PDIA6: variants seen among roughly 807,000 people sequenced by gnomAD.
The protein encoded by PDIA6 is protein disulfide isomerase family A member 6.
In PDIA6, 29 loss-of-function variants were observed where a neutral mutation model predicts 58.4. The ratio of observed to expected loss-of-function variants is 0.50; its 90% CI spans 0.37 to 0.68. PDIA6 has a LOEUF of 0.68. PDIA6 is among the 30% of genes least tolerant of loss of function. The pLI, the probability that PDIA6 is intolerant of heterozygous loss-of-function variation, is 0.00. For synonymous variants in PDIA6, 192 were observed against 202.6 expected (o/e 0.95, Z 0.44); for missense variants, 480 against 551.0 (o/e 0.87, Z 1.29).
chr2:10,823,631 A>G (rs1667465957), intron 1 of PDIA6, among the ~76,000 whole-genome samples: 1 of 152,206 alleles, frequency 6.6e-6, no homozygotes, highest in Non-Finnish European at 1.5e-5. Context: ...CCACTTTCTC[A>G]CAATTGCCAC....
intron 1 of PDIA6, among the ~76,000 whole-genome samples, chr2:10,826,525 A>G (rs1229865741): frequency 6.6e-6 from 1 of 151,912 alleles, no homozygotes; most frequent in African/African-American, 2.4e-5. Flanking sequence ...ACACCCGGCT[A>G]ATTTTTGTAT....
chr2:10,822,780 A>G lies in PDIA6; in HGVS notation c.-47-3426T>C, dbSNP rs189355957. ...CAATTTGCAAGGCAAAGCTAAAACC[A>G]AAACATATGGTGGCCACTCCAAAAG... is the stretch of plus-strand genomic sequence containing the variant. On this transcript the variant is annotated intron_variant, in intron 1 of 13. Coordinates refer to the PDIA6 transcript ENST00000381611. Among the ~76,000 whole-genome samples, 1,164 of 152,372 alleles carry G rather than the reference A, an allele frequency of 7.6e-3. 5 individuals carry two copies. Among genetic ancestry groups the G allele is most frequent in the Non-Finnish European group, 9.6e-3 (652 of 68,036 alleles).
intron 1 of PDIA6, among the ~76,000 whole-genome samples, chr2:10,827,453 C>A (rs770103263): frequency 6.6e-6 from 1 of 152,168 alleles, no homozygotes; most frequent in Non-Finnish European, 1.5e-5. Context: ...GTGCTGGCAA[C>A]ATCTGTCTAC....
intron 1 of PDIA6, among the ~76,000 whole-genome samples, chr2:10,827,100 A>G (rs539674412): frequency 1.8e-4 from 28 of 152,034 alleles, no homozygotes; most frequent in African/African-American, 6.5e-4. Flanking sequence ...GTCTTGGTCT[A>G]CTGCCCAGGC....
upstream of PDIA6, among the ~76,000 whole-genome samples, chr2:10,833,804 C>T (rs1667763201): frequency 6.6e-6 from 1 of 152,194 alleles, no homozygotes; most frequent in African/African-American, 2.4e-5. Flanking sequence ...TAAATGACAT[C>T]CCCAGGGCTG....
At chr2:10,814,434 G>C (rs528554761), upstream of PDIA6, among the ~76,000 whole-genome samples, 1 of 152,198 alleles carries the variant, frequency 6.6e-6, no homozygotes, top group Non-Finnish European at 1.5e-5. Flanking sequence ...ACCGGTGATC[G>C]CAGGGCTGTT....
At position 10,790,704 on chromosome 2, in the gene PDIA6, T is replaced by C. The variant is rs1480574629; in HGVS notation, c.699+15A>G. On this transcript the variant is annotated intron_variant, in intron 7 of 12. Transcript: ENST00000272227. ...ATGTATTTCACAATGAAATGAGCCT[T>C]ATAAGTATACTCACCCCGTATCGGG... 6.4e-7 allele frequency: 1 copy of C among 1,558,514 alleles called. No individual in the cohort carries two copies. Among genetic ancestry groups the C allele is most frequent in the African/African-American group, 1.4e-5 (1 of 73,850 alleles).
intron 6 of PDIA6, 26 bp from the exon 7 acceptor site, chr2:10,790,859 T>G: frequency 6.4e-7 from 1 of 1,566,836 alleles, no homozygotes; most frequent in Non-Finnish European, 8.8e-7. Flanking sequence ...CGTTTTGTTT[T>G]GTTTCTTTGA....
At chr2:10,809,668 A>AAAAAAAAAAAC (rs1558454605) in intron 1 of PDIA6, among the ~76,000 whole-genome samples, 1 of 130,210 alleles carries the variant, frequency 7.7e-6, no homozygotes, top group Non-Finnish European at 1.7e-5. Context: ...AAAAAAAAAA[A>AAAAAAAAAAAC]AAAACCCAAA....
chr2:10,806,359 C>A (rs1666742474), intron 1 of PDIA6, among the ~76,000 whole-genome samples: 1 of 133,818 alleles, frequency 7.5e-6, no homozygotes, highest in South Asian at 2.5e-4. Flanking sequence ...TAGGGCAAGA[C>A]CTTGTCTCAA....
At chr2:10,820,031 G>A (rs1054720171) in intron 1 of PDIA6, among the ~76,000 whole-genome samples, 6 of 152,184 alleles carry the variant, frequency 3.9e-5, no homozygotes, top group Admixed American at 2.0e-4. Context: ...TCACTTTACC[G>A]AGGGAGACAC....
chr2:10,806,452 A>AAAAGTT lies in PDIA6; in HGVS notation c.20-3818_20-3813dup, dbSNP rs553169774. 3.0e-3 allele frequency among the ~76,000 whole-genome samples: 361 copies of AAAAGTT among 119,684 alleles called. 3 individuals are homozygous for AAAAGTT. The highest frequency in any genetic ancestry group is 9.0e-3 in the African/African-American group (325 of 35,984). 78.5% of individuals were successfully genotyped at this position (119,684 alleles called of 152,430 possible). A position where few individuals can be genotyped will look rare whatever the true frequency, so the allele number is the denominator to read the frequency against. On this transcript the variant is annotated intron_variant, in intron 1 of 12. Transcript: ENST00000272227. ...AAGGTAAGTGTTTTTACAAGAGCCA[A>AAAAGTT]AAAGTTAAAAAAAAAAAATTAAGTT... is the stretch of plus-strand genomic sequence containing the variant.
intron 7 of PDIA6, 70 bp downstream of exon 7, chr2:10,790,649 C>T: frequency 9.1e-7 from 1 of 1,100,810 alleles, no homozygotes; most frequent in South Asian, 1.3e-5. Context: ...ATAGGGAGGC[C>T]TGGAGTATTG....
upstream of PDIA6, chr2:10,837,479 A>C: frequency 1.4e-6 from 1 of 693,198 alleles, no homozygotes; most frequent in East Asian, 2.7e-5. Context: ...GTTGGTATGG[A>C]AACTCCAGAT....
At chr2:10,794,951 A>G (rs558498705) in intron 4 of PDIA6, among the ~76,000 whole-genome samples, 5 of 152,220 alleles carry the variant, frequency 3.3e-5, no homozygotes, top group African/African-American at 1.2e-4. Context: ...AAAAATACCC[A>G]CAAAATATAT....
At chr2:10,830,963 G>A (rs1177537360) in intron 1 of PDIA6, among the ~76,000 whole-genome samples, 1 of 152,174 alleles carries the variant, frequency 6.6e-6, no homozygotes, top group Non-Finnish European at 1.5e-5. Flanking sequence ...TCCCTCCTAG[G>A]GAGAAATGAG....
chr2:10,791,771 GACT>G (rs1666043888), intron 6 of PDIA6, 21 bp downstream of exon 6: 2 of 1,606,572 alleles, frequency 1.2e-6, no homozygotes. Context: ...TGAATGAACA[GACT>G]ACTTAGTAGA....
intron 2 of PDIA6, among the ~76,000 whole-genome samples, chr2:10,798,492 C>T (rs947570465): frequency 2.0e-5 from 3 of 149,642 alleles, no homozygotes; most frequent in South Asian, 2.2e-4. Context: ...CGCTTGAACT[C>T]GGGAAACGGA....
chr2:10,786,823 T>C (rs1665784584), intron 11 of PDIA6, among the ~76,000 whole-genome samples: 1 of 152,222 alleles, frequency 6.6e-6, no homozygotes, highest in Admixed American at 6.5e-5. Context: ...ACCTATCATG[T>C]TGTTTGCACA....
Sources: gnomAD v4.1 joint callset for allele counts (sites outside exome capture counted in the v4.1 genomes callset) on GRCh38, gnomAD v4.1.1 for gene constraint, MANE v1.5 for transcripts, NCBI Gene and HGNC (gene_info 2026-07-23, HGNC 2026-07-21) for gene names.